Variants in DLG2 observed in about 807,000 individuals in gnomAD.
DLG2 encodes disks large homolog 2.
A neutral mutation model predicts 132.5 loss-of-function variants in DLG2; 45 were observed. The ratio of observed to expected loss-of-function variants is 0.34; its 90% CI spans 0.27 to 0.44. The LOEUF (loss-of-function observed/expected upper bound fraction) is 0.44, where lower values mean the gene tolerates loss of function less well. Ranked by LOEUF, DLG2 falls within the 20% of genes least tolerant of loss-of-function variation. The probability of loss-of-function intolerance (pLI) is 1.00; values close to 1 mark genes in which losing one functional copy is unlikely to be tolerated. For missense variants in DLG2, 1,045 were observed against 1,196.9 expected (o/e 0.87, Z 1.87); for synonymous variants, 424 against 419.6 (o/e 1.01, Z -0.13).
At position 83,763,298 on chromosome 11, in the gene DLG2, T is replaced by C. The variant is rs185967191; in HGVS notation, c.1825+23392A>G. Reference sequence around the variant, plus strand: ...CCCAGGTAATAAGGATAATACTCAATAGATTTTTTTTAAATCCTCTCCCTC... The same window carrying C: ...CCCAGGTAATAAGGATAATACTCAACAGATTTTTTTTAAATCCTCTCCCTC... On this transcript the variant is annotated intron_variant, in intron 18 of 27. Coordinates refer to ENST00000376104, the MANE Select transcript of DLG2 (RefSeq NM_001142699.3). Among the ~76,000 whole-genome samples, 13 of 152,290 alleles carry C rather than the reference T, an allele frequency of 8.5e-5. No individual in the cohort carries two copies. In the East Asian group the frequency reaches 2.3e-3, roughly 27 times the overall value.
intron 7 of DLG2, among the ~76,000 whole-genome samples, chr11:84,349,049 A>T (rs139074330): frequency 6.6e-6 from 1 of 152,216 alleles, no homozygotes; most frequent in Non-Finnish European, 1.5e-5. Context: ...GAAGCCTAAC[A>T]AAGTAATACA....
At chr11:85,141,418 G>T (rs1293721965) in intron 5 of DLG2, among the ~76,000 whole-genome samples, 1 of 151,196 alleles carries the variant, frequency 6.6e-6, no homozygotes, top group Non-Finnish European at 1.5e-5. Context: ...CAGATTATTT[G>T]TTTTTTTTCC....
At chr11:84,074,332 C>A (rs2096795201) in intron 10 of DLG2, among the ~76,000 whole-genome samples, 1 of 151,982 alleles carries the variant, frequency 6.6e-6, no homozygotes, top group South Asian at 2.1e-4. Flanking sequence ...ATTTCCTTCA[C>A]CCTCTACATC....
chr11:84,708,608 C>G (rs997973660), intron 6 of DLG2, among the ~76,000 whole-genome samples: 4 of 151,804 alleles, frequency 2.6e-5, no homozygotes, highest in Admixed American at 2.0e-4. Context: ...GCTTGCTCTC[C>G]CTTCAGCCAA....
intron 5 of DLG2, among the ~76,000 whole-genome samples, chr11:85,142,897 C>T (rs548221151): frequency 3.3e-5 from 5 of 151,810 alleles, no homozygotes; most frequent in South Asian, 4.1e-4. Flanking sequence ...CATCCCTGGA[C>T]GAATCTCACT....
chr11:84,409,464 T>A (rs2098886205), intron 7 of DLG2, among the ~76,000 whole-genome samples: 1 of 152,144 alleles, frequency 6.6e-6, no homozygotes, highest in South Asian at 2.1e-4. Flanking sequence ...GAAGGTAACA[T>A]GATAATAAAA....
At chr11:85,251,233 T>C (rs2076380066) in intron 4 of DLG2, among the ~76,000 whole-genome samples, 1 of 152,212 alleles carries the variant, frequency 6.6e-6, no homozygotes, top group Non-Finnish European at 1.5e-5. Context: ...TAAAAGCTAG[T>C]CTGTGGAATA....
intron 5 of DLG2, among the ~76,000 whole-genome samples, chr11:85,120,421 T>A (rs1386759756): frequency 1.3e-5 from 2 of 152,046 alleles, no homozygotes; most frequent in East Asian, 1.9e-4. Context: ...AAACACCATA[T>A]CTAGAAATCC....
At chr11:84,661,207 G>C (rs1299501807) in intron 6 of DLG2, among the ~76,000 whole-genome samples, 1 of 152,078 alleles carries the variant, frequency 6.6e-6, no homozygotes, top group Non-Finnish European at 1.5e-5. Context: ...GTTTTGTTTT[G>C]TTTTGTTTTA....
At chr11:83,963,627 C>T (rs560086537) in intron 13 of DLG2, among the ~76,000 whole-genome samples, 2 of 152,060 alleles carry the variant, frequency 1.3e-5, no homozygotes, top group South Asian at 4.1e-4. Context: ...TCCTGAAATT[C>T]AGCTTGACCA....
At chr11:85,001,548 T>G (rs2058213034) in intron 6 of DLG2, among the ~76,000 whole-genome samples, 1 of 152,168 alleles carries the variant, frequency 6.6e-6, no homozygotes. Flanking sequence ...TGGTTTTCTT[T>G]CAGTTATCAG....
intron 7 of DLG2, among the ~76,000 whole-genome samples, chr11:84,498,157 C>G (rs534525740): frequency 1.4e-4 from 21 of 152,250 alleles, no homozygotes; most frequent in African/African-American, 5.1e-4. Flanking sequence ...TAGTGATAGG[C>G]AACAATGAGT....
At chr11:84,352,985 T>G (rs2098588780) in intron 7 of DLG2, among the ~76,000 whole-genome samples, 1 of 152,186 alleles carries the variant, frequency 6.6e-6, no homozygotes, top group Non-Finnish European at 1.5e-5. Flanking sequence ...GTCTTCAGAA[T>G]TTTCAAGTTC....
intron 6 of DLG2, among the ~76,000 whole-genome samples, chr11:84,666,696 A>T (rs553359057): frequency 6.6e-6 from 1 of 152,080 alleles, no homozygotes; most frequent in Non-Finnish European, 1.5e-5. Flanking sequence ...GTATAATTAC[A>T]TAAACACATT....
intron 7 of DLG2, among the ~76,000 whole-genome samples, chr11:84,517,367 T>C (rs941367262): frequency 6.6e-6 from 1 of 151,714 alleles, no homozygotes; most frequent in African/African-American, 2.4e-5. Context: ...AGAGAAGACA[T>C]ACAAATGGCC....
intron 6 of DLG2, among the ~76,000 whole-genome samples, chr11:85,036,155 C>T (rs1313253611): frequency 2.0e-5 from 3 of 152,060 alleles, no homozygotes; most frequent in South Asian, 2.1e-4. Context: ...TTTTCTTTTC[C>T]CTGATATCCA....
intron 3 of DLG2, among the ~76,000 whole-genome samples, chr11:85,583,293 GAAGT>G (rs1358207460): frequency 1.3e-5 from 2 of 149,190 alleles, no homozygotes; most frequent in Non-Finnish European, 3.0e-5. Context: ...AGCCTCCCAA[GAAGT>G]TAGAACAACA....
chr11:85,058,505 C>T (rs967573063), intron 6 of DLG2, among the ~76,000 whole-genome samples: 6 of 151,378 alleles, frequency 4.0e-5, no homozygotes, highest in African/African-American at 1.2e-4. Flanking sequence ...CAACCAAAAT[C>T]GCATAAAGGA....
intron 7 of DLG2, among the ~76,000 whole-genome samples, chr11:84,279,940 T>C (rs543891530): frequency 2.0e-5 from 3 of 152,192 alleles, no homozygotes; most frequent in Non-Finnish European, 4.4e-5. Context: ...ATCCAATATC[T>C]ATTTCTGGTT....
Sources: allele counts gnomAD v4.1 joint callset (sites outside exome capture counted in the v4.1 genomes callset), GRCh38; gene constraint gnomAD v4.1.1; transcripts MANE v1.5; gene names NCBI Gene and HGNC (gene_info 2026-07-23, HGNC 2026-07-21).